Variants in EMSY observed in about 807,000 individuals in gnomAD.
EMSY encodes EMSY transcriptional repressor, BRCA2 interacting, also known as BRCA2-interacting transcriptional repressor EMSY.
Under a neutral mutation model 134.6 loss-of-function variants are expected in EMSY, and 26 were observed. That is an observed-to-expected ratio of 0.19 (90% CI 0.14 to 0.27). The LOEUF is 0.27. Ranked by LOEUF, EMSY falls within the 10% of genes least tolerant of loss-of-function variation. EMSY has a pLI of 1.00. For missense variants in EMSY, 1,305 were observed against 1,611.4 expected (o/e 0.81, Z 3.26); for synonymous variants, 579 against 577.8 (o/e 1.00, Z -0.03).
chr11:76,466,891 C>A lies in EMSY; in HGVS notation c.831+2811C>A, dbSNP rs369597028. Reference sequence around the variant, plus strand: ...ATGATGTCATCTTAGGACATTATTGCAAGGATTAAATGAGATTGGATATTT... The same window carrying A: ...ATGATGTCATCTTAGGACATTATTGAAAGGATTAAATGAGATTGGATATTT... On this transcript the variant is annotated intron_variant, in intron 7 of 20. Transcript: ENST00000334736. 8.5e-5 allele frequency among the ~76,000 whole-genome samples: 13 copies of A among 152,110 alleles called. No individual in the cohort carries two copies. In the East Asian group the frequency reaches 2.5e-3, roughly 29 times the overall value.
At chr11:76,514,683 A>T (rs1056138949) in intron 10 of EMSY, among the ~76,000 whole-genome samples, 1 of 152,144 alleles carries the variant, frequency 6.6e-6, no homozygotes, top group African/African-American at 2.4e-5. Flanking sequence ...CATCAACACC[A>T]TCTATCTCCA....
intron 2 of EMSY, among the ~76,000 whole-genome samples, chr11:76,449,942 A>G (rs527704644): frequency 1.4e-5 from 2 of 142,840 alleles, no homozygotes; most frequent in African/African-American, 4.9e-5. Context: ...AAGTACAGAC[A>G]TATTTTTACT....
chr11:76,490,824 A>T (rs1386796237), intron 8 of EMSY, among the ~76,000 whole-genome samples: 2 of 152,066 alleles, frequency 1.3e-5, no homozygotes, highest in Non-Finnish European at 2.9e-5. Flanking sequence ...AGAAGCTAAG[A>T]TCTGGGTTCT....
At chr11:76,523,517 A>G (rs1052923749) in intron 12 of EMSY, among the ~76,000 whole-genome samples, 16 of 152,170 alleles carry the variant, frequency 1.1e-4, no homozygotes, top group African/African-American at 3.9e-4. Context: ...GCTTGTGACC[A>G]TGATTTAGAT....
At chr11:76,504,757 G>T (rs1950007940) in intron 9 of EMSY, among the ~76,000 whole-genome samples, 1 of 152,114 alleles carries the variant, frequency 6.6e-6, no homozygotes, top group Non-Finnish European at 1.5e-5. Context: ...ATAGCCAATA[G>T]GTGAAACAAT....
chr11:76,535,585 C>T (rs1951193522), intron 14 of EMSY, among the ~76,000 whole-genome samples: 1 of 152,152 alleles, frequency 6.6e-6, no homozygotes, highest in Admixed American at 6.6e-5. Context: ...GTCTCCCCAG[C>T]CAGACTATGT....
chr11:76,452,421 G>C (rs1047538351), intron 3 of EMSY, among the ~76,000 whole-genome samples: 1 of 152,096 alleles, frequency 6.6e-6, no homozygotes, highest in Non-Finnish European at 1.5e-5. Flanking sequence ...ATATGGAAGA[G>C]GCTCTTCCTG....
intron 7 of EMSY, among the ~76,000 whole-genome samples, chr11:76,467,700 G>T (rs1948408185): frequency 6.6e-6 from 1 of 152,088 alleles, no homozygotes; most frequent in Non-Finnish European, 1.5e-5. Flanking sequence ...GTAAAATAAA[G>T]ATGATCATAG....
At chr11:76,507,920 A>C (rs1425338096) in intron 9 of EMSY, among the ~76,000 whole-genome samples, 1 of 145,456 alleles carries the variant, frequency 6.9e-6, no homozygotes, top group East Asian at 2.0e-4. Context: ...GCTGGAATGC[A>C]GTGACACAAT....
At chr11:76,534,659 G>C (rs1377421595) in intron 14 of EMSY, among the ~76,000 whole-genome samples, 5 of 151,990 alleles carry the variant, frequency 3.3e-5, no homozygotes, top group Non-Finnish European at 7.4e-5. Flanking sequence ...TTCTTGTTTT[G>C]GGGGCTACTT....
chr11:76,513,413 A>C (rs1293144412), exon 10 of EMSY: 2 of 1,613,420 alleles, frequency 1.2e-6, no homozygotes, highest in African/African-American at 2.7e-5. Flanking sequence ...CAACAGGTTC[A>C]ACCAAGTAAA....
intron 14 of EMSY, among the ~76,000 whole-genome samples, chr11:76,534,180 A>G (rs937809690): frequency 6.6e-6 from 1 of 152,024 alleles, no homozygotes; most frequent in African/African-American, 2.4e-5. Context: ...CCTTTTGTGG[A>G]TATTCAGTGT....
At chr11:76,493,414 G>T (rs1298143537) in intron 8 of EMSY, among the ~76,000 whole-genome samples, 8 of 152,170 alleles carry the variant, frequency 5.3e-5, no homozygotes, top group Admixed American at 5.2e-4. Context: ...TCCCGGTGAG[G>T]TCCCACCCTC....
rs370023794 is a variant in EMSY at position 76,505,348 on chromosome 11, A to G, written c.1364-8038A>G. On this transcript the variant is annotated intron_variant, in intron 9 of 20. Coordinates refer to ENST00000334736, the Ensembl canonical transcript of EMSY. ...GTAGCTGGGATTACAGGCGCGCACCATCACGCCCGGCTAATTTTTTTTTTT... is the reference window on the plus strand; with the variant it reads ...GTAGCTGGGATTACAGGCGCGCACCGTCACGCCCGGCTAATTTTTTTTTTT... Among the ~76,000 whole-genome samples, 7 of 144,936 alleles carry G rather than the reference A, an allele frequency of 4.8e-5. No individual in the cohort carries two copies. The East Asian group carries it at 8.5e-4, about 18-fold the overall frequency.
At chr11:76,481,646 C>T (rs1005139788) in intron 8 of EMSY, among the ~76,000 whole-genome samples, 5 of 152,204 alleles carry the variant, frequency 3.3e-5, no homozygotes, top group Admixed American at 1.3e-4. Flanking sequence ...TCGAACTGGG[C>T]GGAGCCCACT....
chr11:76,538,012 A>T, intron 16 of EMSY, 62 bp downstream of exon 17: 1 of 1,397,088 alleles, frequency 7.2e-7, no homozygotes, highest in Non-Finnish European at 9.7e-7. Context: ...ATTTCATGGG[A>T]TGATTGTGTG....
intron 15 of EMSY, 42 bp downstream of exon 16, chr11:76,536,101 T>G: frequency 2.2e-6 from 3 of 1,341,226 alleles, no homozygotes; most frequent in African/African-American, 1.5e-5. Context: ...ATGTTTTCTC[T>G]AGAGACGGGT....
Position 76,537,782 on chromosome 11 carries a change from C to A in EMSY, c.2360-13C>A, listed in dbSNP as rs1951280444. 2.5e-6 allele frequency: 4 copies of A among 1,584,470 alleles called. No individual in the cohort carries two copies. Among genetic ancestry groups the A allele is most frequent in the Admixed American group, 1.8e-5 (1 of 54,544 alleles). ...TAATAAAAGTTAACTTTTCCCCTGA[C>A]TTTTTTATGCAGTAAAGGAAAAATT... On this transcript the variant is annotated splice_polypyrimidine_tract_variant and intron_variant, in intron 15 of 20. Transcript: ENST00000334736.
rs539830944 is a variant in EMSY at position 76,469,047 on chromosome 11, A to G, written c.832-3517A>G. Among the ~76,000 whole-genome samples, 8 of 152,276 alleles carry G rather than the reference A, an allele frequency of 5.3e-5. No individual in the cohort carries two copies. In the South Asian group the frequency reaches 1.7e-3, roughly 32 times the overall value. The stretch of plus-strand genomic sequence containing the variant: ...CTAATGAAGGATAACTTCTTTTCAG[A>G]TCAGAAATCATCTTGCAGGCTGAAA... On this transcript the variant is annotated intron_variant, in intron 7 of 20. Coordinates refer to ENST00000334736, the Ensembl canonical transcript of EMSY.
Sources: gnomAD v4.1 joint callset for allele counts (sites outside exome capture counted in the v4.1 genomes callset) on GRCh38, gnomAD v4.1.1 for gene constraint, MANE v1.5 for transcripts, NCBI Gene and HGNC (gene_info 2026-07-23, HGNC 2026-07-21) for gene names.